Variants in MKLN1 observed in about 807,000 individuals in gnomAD.
MKLN1 encodes muskelin 1.
A neutral mutation model predicts 99.0 loss-of-function variants in MKLN1; 18 were observed. The ratio of observed to expected loss-of-function variants is 0.18; its 90% CI spans 0.13 to 0.27. The LOEUF is 0.27. Ranked by LOEUF, MKLN1 falls within the 10% of genes least tolerant of loss-of-function variation. The probability of loss-of-function intolerance (pLI) is 1.00; values close to 1 mark genes in which losing one functional copy is unlikely to be tolerated. For synonymous variants in MKLN1, 288 were observed against 293.2 expected (o/e 0.98, Z 0.18); for missense variants, 621 against 875.9 (o/e 0.71, Z 3.67).
chr7:131,482,286 C>T (rs1797146006), intron 17 of MKLN1, among the ~76,000 whole-genome samples: 1 of 152,102 alleles, frequency 6.6e-6, no homozygotes, highest in Admixed American at 6.5e-5. Flanking sequence ...CCTGGACTTC[C>T]TGGGCTCAAG....
chr7:131,457,805 A>G (rs1368669547), intron 12 of MKLN1, among the ~76,000 whole-genome samples: 1 of 152,100 alleles, frequency 6.6e-6, no homozygotes, highest in Non-Finnish European at 1.5e-5. Flanking sequence ...AATCCCAGCT[A>G]CTTGGGAGGC....
intron 8 of MKLN1, among the ~76,000 whole-genome samples, chr7:131,424,997 G>A (rs890945101): frequency 6.6e-6 from 1 of 152,056 alleles, no homozygotes; most frequent in East Asian, 1.9e-4. Flanking sequence ...TCCTACCTAT[G>A]TGTTCTTTTA....
At chr7:131,354,381 A>T (rs1799811092) in intron 1 of MKLN1, among the ~76,000 whole-genome samples, 1 of 152,018 alleles carries the variant, frequency 6.6e-6, no homozygotes, top group Admixed American at 6.6e-5. Flanking sequence ...TTTCCTTTAA[A>T]GCAACTGTAA....
intron 12 of MKLN1, 26 bp downstream of exon 12, chr7:131,445,929 C>T (rs779359280): frequency 6.5e-7 from 1 of 1,528,636 alleles, no homozygotes; most frequent in South Asian, 1.3e-5. Flanking sequence ...GATTTCTTCT[C>T]TCATGTCTTA....
At chr7:131,462,432 AT>A (rs1380023921) in intron 12 of MKLN1, among the ~76,000 whole-genome samples, 1 of 152,100 alleles carries the variant, frequency 6.6e-6, no homozygotes, top group Non-Finnish European at 1.5e-5. Context: ...CTTTTATCAA[AT>A]TTTTTTTCCC....
chr7:131,419,783 A>G (rs1287130019), intron 8 of MKLN1, among the ~76,000 whole-genome samples: 1 of 152,152 alleles, frequency 6.6e-6, no homozygotes, highest in East Asian at 1.9e-4. Context: ...TCAGAGAAAG[A>G]GAGTGGGAAG....
intron 1 of MKLN1, among the ~76,000 whole-genome samples, chr7:131,138,108 A>T (rs1001179686): frequency 6.6e-6 from 1 of 151,358 alleles, no homozygotes; most frequent in Non-Finnish European, 1.5e-5. Context: ...TATTTTTAGT[A>T]GAGACAAGGT....
chr7:131,386,738 T>C (rs1794039366), intron 2 of MKLN1, among the ~76,000 whole-genome samples: 1 of 152,234 alleles, frequency 6.6e-6, no homozygotes, highest in African/African-American at 2.4e-5. Flanking sequence ...GGTTTAGTTA[T>C]TGAAGTAGAG....
chr7:131,414,199 G>A (rs930565659), intron 7 of MKLN1, among the ~76,000 whole-genome samples: 15 of 152,016 alleles, frequency 9.9e-5, no homozygotes, highest in African/African-American at 3.4e-4. Context: ...AAACTTGATA[G>A]CATCTTTGTT....
At chr7:131,344,360 T>C (rs1799492654) in intron 1 of MKLN1, among the ~76,000 whole-genome samples, 1 of 152,186 alleles carries the variant, frequency 6.6e-6, no homozygotes, top group Non-Finnish European at 1.5e-5. Context: ...TGAGTTTCTT[T>C]TTGTTTTTTT....
At chr7:131,110,852 T>C (rs1866598) in intron 1 of MKLN1, among the ~76,000 whole-genome samples, 148,187 of 152,332 alleles carry the variant, frequency 0.97, 72,215 homozygotes, top group East Asian at 1. Flanking sequence ...CCATCCCGCT[T>C]CTCTCCTCAT....
At chr7:131,166,296 G>C (rs771273677) in intron 2 of MKLN1, among the ~76,000 whole-genome samples, 1 of 152,098 alleles carries the variant, frequency 6.6e-6, no homozygotes, top group Non-Finnish European at 1.5e-5. Context: ...GAGGTTTGCC[G>C]GGAAAGATGC....
intron 17 of MKLN1, chr7:131,478,970 CA>C: frequency 2.5e-6 from 1 of 404,292 alleles, no homozygotes; most frequent in Non-Finnish European, 4.5e-6. Context: ...CCTTGGAATG[CA>C]GGCTGTTTTA....
chr7:131,389,308 AG>A (rs1794124423), intron 4 of MKLN1, among the ~76,000 whole-genome samples: 3 of 152,164 alleles, frequency 2.0e-5, no homozygotes, highest in Admixed American at 2.0e-4. Flanking sequence ...AAGTTTTCTT[AG>A]ATTTTATGGG....
At chr7:131,192,032 A>G (rs1563246974) in intron 2 of MKLN1, among the ~76,000 whole-genome samples, 7 of 126,808 alleles carry the variant, frequency 5.5e-5, no homozygotes, top group Non-Finnish European at 1.1e-4. Context: ...CTGTGTGTGT[A>G]TGTGTGTGTG....
rs537064695 is a variant in MKLN1 at position 131,475,887 on chromosome 7, G to T, written c.2032-2736G>T. Among the ~76,000 whole-genome samples the T allele has an allele frequency of 9.9e-5, 15 of 152,218 alleles. No individual in the cohort carries two copies. In the South Asian group the frequency reaches 3.1e-3, roughly 32 times the overall value. On this transcript the variant is annotated intron_variant, in intron 16 of 17. Coordinates refer to ENST00000352689, the MANE Select transcript of MKLN1 (RefSeq NM_013255.5). ...AAAATCATGGACCAATATTTTTCAT[G>T]AACATAAATGTAAAATTCTTAGGAA... is the stretch of plus-strand genomic sequence containing the variant.
chr7:131,317,960 C>T (rs566209680), intron 3 of MKLN1, among the ~76,000 whole-genome samples: 1 of 152,082 alleles, frequency 6.6e-6, no homozygotes, highest in Non-Finnish European at 1.5e-5. Context: ...ATTCATAAAA[C>T]AAGTTCTTAG....
intron 3 of MKLN1, among the ~76,000 whole-genome samples, chr7:131,283,236 A>G (rs937123141): frequency 6.6e-6 from 1 of 152,134 alleles, no homozygotes; most frequent in Non-Finnish European, 1.5e-5. Flanking sequence ...ATATGGACTC[A>G]TTATCCAGAT....
chr7:131,437,151 T>C (rs1342769357), intron 9 of MKLN1, among the ~76,000 whole-genome samples: 3 of 152,130 alleles, frequency 2.0e-5, no homozygotes, highest in Non-Finnish European at 2.9e-5. Context: ...GGTATACATG[T>C]GCCATGTTGG....
Sources: gnomAD v4.1 joint callset for allele counts (sites outside exome capture counted in the v4.1 genomes callset) on GRCh38, gnomAD v4.1.1 for gene constraint, MANE v1.5 for transcripts, NCBI Gene and HGNC (gene_info 2026-07-23, HGNC 2026-07-21) for gene names.